The following ENPEP variants were observed in gnomAD, a reference collection of about 807,000 sequenced individuals.
The protein encoded by ENPEP is AP-A.
In ENPEP, 103 loss-of-function variants were observed where a neutral mutation model predicts 114.5. The ratio of observed to expected loss-of-function variants is 0.90; its 90% confidence interval spans 0.77 to 1.06. The LOEUF (loss-of-function observed/expected upper bound fraction) is 1.06. Among genes scored for constraint, ENPEP ranks in the 50% least tolerant of loss-of-function variants. The probability of loss-of-function intolerance (pLI) is 0.00; values close to 1 mark genes in which losing one functional copy is unlikely to be tolerated. For synonymous variants in ENPEP, 420 were observed against 422.0 expected (o/e 1.00, Z 0.06); for missense variants, 1,196 against 1,161.3 (o/e 1.03, Z -0.43).
At chr4:110,514,510 C>A (rs1428160033) in intron 7 of ENPEP, among the ~76,000 whole-genome samples, 1 of 151,886 alleles carries the variant, frequency 6.6e-6, no homozygotes, top group Non-Finnish European at 1.5e-5. Context: ...CCACTTATAG[C>A]CTATTCTAAT....
intron 3 of ENPEP, among the ~76,000 whole-genome samples, chr4:110,501,601 A>G (rs1314956176): frequency 6.6e-6 from 1 of 152,228 alleles, no homozygotes; most frequent in Admixed American, 6.5e-5. Flanking sequence ...ATGATGCTGC[A>G]AAGGACATGA....
At chr4:110,519,909 A>C in intron 8 of ENPEP, 99 bp from the exon 9 acceptor site, 1 of 1,027,922 alleles carries the variant, frequency 9.7e-7, no homozygotes. Flanking sequence ...GTTTTGCGCA[A>C]TGGAGGTAGA....
rs551499192 is a variant in ENPEP, at chr4:110,561,634, G to A, written c.*76G>A. 52 of 1,389,354 alleles carry A rather than the reference G, an allele frequency of 3.7e-5. No individual in the cohort carries two copies. In the African/African-American group the frequency reaches 6.7e-4, roughly 18 times the overall value. The allele number at this position is 1,389,354 out of a possible 1,614,324, so 86.1% of individuals were successfully genotyped here. A position where few individuals can be genotyped will look rare whatever the true frequency, so the allele number is the denominator to read the frequency against. ...AAGCATTTGGTGGCCTAATTTACAA[G>A]CACGATGGAGAGAGCCTTATAAACA... On this transcript the variant is annotated 3_prime_UTR_variant, in exon 20 of 20. Transcript: ENST00000265162.
chr4:110,538,414 T>C lies in ENPEP; in HGVS notation c.1808-4337T>C, dbSNP rs139749319. Among the ~76,000 whole-genome samples, 96 of 152,372 alleles carry C rather than the reference T, an allele frequency of 6.3e-4. No individual in the cohort carries two copies. The East Asian group carries it at 0.016, about 25-fold the overall frequency. On this transcript the variant is annotated intron_variant, in intron 11 of 19. Coordinates refer to ENST00000265162, the MANE Select transcript of ENPEP (RefSeq NM_001977.4). ...CCAACCTTTGCTAGCTTCCAGCTTT[T>C]CTTCTGTAGCTTCCTCACCTCTCTC...
intron 11 of ENPEP, among the ~76,000 whole-genome samples, chr4:110,541,047 A>C (rs557785): frequency 0.9 from 136,602 of 152,136 alleles, 61,439 homozygotes; most frequent in East Asian, 0.94. Context: ...GCTTAGCAAG[A>C]AACTCTCCTT....
intron 4 of ENPEP, among the ~76,000 whole-genome samples, chr4:110,507,839 G>A (rs1725426816): frequency 6.6e-6 from 1 of 152,202 alleles, no homozygotes; most frequent in African/African-American, 2.4e-5. Flanking sequence ...GCCAGGTGTT[G>A]TGGCACACAC....
intron 8 of ENPEP, among the ~76,000 whole-genome samples, chr4:110,517,555 T>C (rs1725827265): frequency 6.6e-6 from 1 of 152,218 alleles, no homozygotes; most frequent in South Asian, 2.1e-4. Flanking sequence ...CTAAGATTCC[T>C]TGAAAATGAA....
rs148558436 is a variant in ENPEP, at chr4:110,544,001, C to G, written c.2000+931C>G. On this transcript the variant is annotated intron_variant, in intron 13 of 19. Coordinates refer to ENST00000265162, the MANE Select transcript of ENPEP (RefSeq NM_001977.4). ...TGCCAATAACAGTTGATAATAAATA[C>G]TGACTAAATAGAGAGGTGGAAGAAT... Among the ~76,000 whole-genome samples the G allele has an allele frequency of 2.8e-3, 423 of 152,112 alleles. 1 individual carries two copies. Among genetic ancestry groups the G allele is most frequent in the Middle Eastern group, 0.014 (4 of 294 alleles).
chr4:110,489,517 C>T (rs913186746), intron 2 of ENPEP, among the ~76,000 whole-genome samples: 4 of 151,812 alleles, frequency 2.6e-5, no homozygotes, highest in Non-Finnish European at 5.9e-5. Flanking sequence ...TGTAACAAAC[C>T]TGCACATTCT....
At chr4:110,531,601 GA>G (rs1340077770) in intron 11 of ENPEP, among the ~76,000 whole-genome samples, 2 of 151,750 alleles carry the variant, frequency 1.3e-5, no homozygotes, top group Non-Finnish European at 2.9e-5. Context: ...TCTTTTATCA[GA>G]TAAGCCATTG....
intron 13 of ENPEP, among the ~76,000 whole-genome samples, chr4:110,547,601 A>G (rs1328098268): frequency 6.6e-6 from 1 of 152,144 alleles, no homozygotes; most frequent in African/African-American, 2.4e-5. Context: ...AACCTTTAAA[A>G]TATCAACAGT....
Position 110,530,809 on chromosome 4 carries a change from T to C in ENPEP, c.1728-389T>C, listed in dbSNP as rs149779973. 4.1e-3 allele frequency among the ~76,000 whole-genome samples: 628 copies of C among 152,346 alleles called. 4 individuals are homozygous for C. The highest frequency in any genetic ancestry group is 0.013 in the African/African-American group (557 of 41,570). On this transcript the variant is annotated intron_variant, in intron 10 of 19. Transcript: ENST00000265162. ...TGTCTTCTAATTTCTAAAAATGTTT[T>C]GTGTTCCTTGATGGAAATGGTAGCA...
intron 11 of ENPEP, among the ~76,000 whole-genome samples, chr4:110,536,658 C>T (rs1343015280): frequency 6.6e-6 from 1 of 152,192 alleles, no homozygotes; most frequent in South Asian, 2.1e-4. Flanking sequence ...AACACATGTT[C>T]CAGCTCAATT....
chr4:110,499,081 C>T lies in ENPEP; in HGVS notation c.919-7556C>T, dbSNP rs575522530. ...CCTATTTTGAAAGTCAAAACCATAACATTTATTTTTTTCCCCTGCATTTTT... is the reference window on the plus strand; with the variant it reads ...CCTATTTTGAAAGTCAAAACCATAATATTTATTTTTTTCCCCTGCATTTTT... On this transcript the variant is annotated intron_variant, in intron 3 of 19. Transcript: ENST00000265162. 2.0e-5 allele frequency among the ~76,000 whole-genome samples: 3 copies of T among 152,228 alleles called. No individual in the cohort carries two copies. The South Asian group carries it at 6.2e-4, about 32-fold the overall frequency.
intron 11 of ENPEP, among the ~76,000 whole-genome samples, chr4:110,540,688 G>A (rs867349752): frequency 6.6e-6 from 1 of 152,104 alleles, no homozygotes; most frequent in Non-Finnish European, 1.5e-5. Context: ...CTAAAATATG[G>A]CAGTATTTAG....
chr4:110,519,216 A>G (rs922867147), intron 8 of ENPEP: 1 of 407,980 alleles, frequency 2.5e-6, no homozygotes, highest in African/African-American at 2.0e-5. Flanking sequence ...AAGAAGAGGA[A>G]TTTAGGAGGT....
At chr4:110,536,511 C>G (rs1353265083) in intron 11 of ENPEP, among the ~76,000 whole-genome samples, 1 of 152,192 alleles carries the variant, frequency 6.6e-6, no homozygotes, top group Non-Finnish European at 1.5e-5. Context: ...AGCCAGTTCT[C>G]AAATCATGTC....
chr4:110,561,377 A>C (rs1181134448), intron 19 of ENPEP, 29 bp from the exon 20 acceptor site: 1 of 1,604,936 alleles, frequency 6.2e-7, no homozygotes, highest in Non-Finnish European at 8.5e-7. Context: ...TATAAATGAC[A>C]ATCCTAATTA....
At chr4:110,548,459 A>G (rs1417338559) in intron 14 of ENPEP, 133 bp downstream of exon 14, 5 of 636,038 alleles carry the variant, frequency 7.9e-6, no homozygotes, top group African/African-American at 5.7e-5. Context: ...AGAAAGTGCA[A>G]TGACTTGACT....
Sources: gnomAD v4.1 joint callset for allele counts (sites outside exome capture counted in the v4.1 genomes callset) on GRCh38, gnomAD v4.1.1 for gene constraint, MANE v1.5 for transcripts, NCBI Gene and HGNC (gene_info 2026-07-23, HGNC 2026-07-21) for gene names.